MYT1L: variants seen among roughly 807,000 people sequenced by gnomAD.
MYT1L encodes myelin transcription factor 1 like.
A neutral mutation model predicts 126.7 loss-of-function variants in MYT1L; 12 were observed. The observed-to-expected ratio is 0.09, with a 90% CI of 0.06 to 0.15. The LOEUF is 0.15. MYT1L is among the 10% of genes least tolerant of loss of function. The pLI is 1.00. For missense variants in MYT1L, 979 were observed against 1,585.2 expected (o/e 0.62, Z 6.49); for synonymous variants, 541 against 604.2 (o/e 0.90, Z 1.53).
intron 1 of MYT1L, among the ~76,000 whole-genome samples, chr2:2,314,124 C>T (rs2096022161): frequency 6.6e-6 from 1 of 152,062 alleles, no homozygotes; most frequent in Admixed American, 6.6e-5. Context: ...CAATAAGAAA[C>T]AAAACTCCAC....
intron 11 of MYT1L, among the ~76,000 whole-genome samples, chr2:1,913,804 A>C (rs11682220): frequency 0.047 from 7,114 of 152,172 alleles, 237 homozygotes; most frequent in Non-Finnish European, 0.06. Flanking sequence ...CTCGCCCCTG[A>C]ATCCTCCTGA....
rs530190772 is a variant in MYT1L, at chr2:1,892,957, G to A, written c.2033-670C>T. On this transcript the variant is annotated intron_variant, in intron 14 of 24. Coordinates refer to ENST00000647738, the MANE Select transcript of MYT1L (RefSeq NM_001303052.2). ...GGCCATGGGAGTGAAACGGGGAAAT[G>A]CACATAGAGAATAAGCTCAGGATAA... Among the ~76,000 whole-genome samples, 18 of 152,280 alleles carry A rather than the reference G, an allele frequency of 1.2e-4. 1 individual carries two copies. The South Asian group carries it at 3.1e-3, about 26-fold the overall frequency.
At chr2:2,200,881 C>T (rs544656188) in intron 2 of MYT1L, among the ~76,000 whole-genome samples, 3 of 152,260 alleles carry the variant, frequency 2.0e-5, no homozygotes, top group African/African-American at 7.2e-5. Context: ...CCTGGGAGTG[C>T]CATGGTGCTC....
intron 18 of MYT1L, among the ~76,000 whole-genome samples, chr2:1,880,042 C>T (rs2148783596): frequency 6.6e-6 from 1 of 152,290 alleles, no homozygotes; most frequent in South Asian, 2.1e-4. Context: ...ATCACAAAGC[C>T]AGCTTCAGTG....
At chr2:2,020,325 C>A (rs2064906494) in intron 4 of MYT1L, among the ~76,000 whole-genome samples, 1 of 152,202 alleles carries the variant, frequency 6.6e-6, no homozygotes, top group South Asian at 2.1e-4. Flanking sequence ...TTCTCATGCA[C>A]ACATACCTAT....
intron 11 of MYT1L, among the ~76,000 whole-genome samples, chr2:1,915,369 C>A (rs2052666343): frequency 6.6e-6 from 1 of 152,136 alleles, no homozygotes; most frequent in Admixed American, 6.5e-5. Flanking sequence ...CTCCTTGCCT[C>A]CGAGAGCGAT....
intron 2 of MYT1L, among the ~76,000 whole-genome samples, chr2:2,179,126 A>G (rs2148613445): frequency 6.6e-6 from 1 of 152,288 alleles, no homozygotes; most frequent in East Asian, 1.9e-4. Context: ...GCCCCCACAC[A>G]CATCCCTGGC....
chr2:2,111,409 G>GT (rs2147746600), intron 3 of MYT1L, among the ~76,000 whole-genome samples: 1 of 152,322 alleles, frequency 6.6e-6, no homozygotes, highest in Admixed American at 6.5e-5. Flanking sequence ...GAGGGAAGTG[G>GT]TAACGGCAGA....
chr2:2,099,424 A>G (rs2077799090), intron 3 of MYT1L, among the ~76,000 whole-genome samples: 1 of 152,144 alleles, frequency 6.6e-6, no homozygotes, highest in Non-Finnish European at 1.5e-5. Context: ...AGTTTCTGAA[A>G]GGCTCATGGC....
At chr2:1,831,929 C>G (rs2148291746) in intron 21 of MYT1L, among the ~76,000 whole-genome samples, 1 of 152,262 alleles carries the variant, frequency 6.6e-6, no homozygotes, top group East Asian at 1.9e-4. Context: ...TCCTACGCGG[C>G]TCTCCTCAGA....
intron 3 of MYT1L, among the ~76,000 whole-genome samples, chr2:2,057,227 TA>T (rs2069702957): frequency 6.6e-6 from 1 of 152,164 alleles, no homozygotes; most frequent in African/African-American, 2.4e-5. Flanking sequence ...TGTGTCCTTT[TA>T]TAGCCCCGCC....
intron 1 of MYT1L, among the ~76,000 whole-genome samples, chr2:2,303,270 C>T (rs755956998): frequency 1.2e-4 from 18 of 152,198 alleles, no homozygotes; most frequent in Non-Finnish European, 2.4e-4. Context: ...CGTGGTTCCA[C>T]GGCATGCTCG....
intron 3 of MYT1L, among the ~76,000 whole-genome samples, chr2:2,116,564 C>T (rs910426955): frequency 1.3e-5 from 2 of 152,248 alleles, no homozygotes; most frequent in African/African-American, 2.4e-5. Context: ...GTGATATGCA[C>T]GGCCTTCTGC....
chr2:2,088,807 G>C (rs962664962), intron 3 of MYT1L, among the ~76,000 whole-genome samples: 1 of 152,164 alleles, frequency 6.6e-6, no homozygotes, highest in African/African-American at 2.4e-5. Context: ...CCAGTTTTAT[G>C]AGGTTTGTAT....
intron 3 of MYT1L, among the ~76,000 whole-genome samples, chr2:2,134,009 C>A: frequency 6.6e-6 from 1 of 152,204 alleles, no homozygotes; most frequent in East Asian, 1.9e-4. Flanking sequence ...GCCATTTTCA[C>A]CTCTTCTAGT....
At chr2:1,800,244 G>C (rs111490721) in intron 23 of MYT1L, 6,725 of 152,374 alleles carry the variant, frequency 0.044, 202 homozygotes, top group South Asian at 0.1. Context: ...GGCCTCGGCT[G>C]GTCCCGGGGG....
chr2:2,181,096 CTGTG>C (rs1203248985), intron 2 of MYT1L, among the ~76,000 whole-genome samples: 8 of 150,764 alleles, frequency 5.3e-5, no homozygotes, highest in Non-Finnish European at 7.4e-5. Context: ...ACCTGTGTAC[CTGTG>C]TGTGAACATG....
intron 2 of MYT1L, among the ~76,000 whole-genome samples, chr2:2,265,029 A>T (rs1452208865): frequency 2.1e-5 from 3 of 144,450 alleles, no homozygotes; most frequent in Admixed American, 6.9e-5. Flanking sequence ...GTCTTTTTTA[A>T]TTTTTTTTTT....
chr2:2,314,497 C>T (rs2082147671), intron 1 of MYT1L, among the ~76,000 whole-genome samples: 1 of 152,286 alleles, frequency 6.6e-6, no homozygotes, highest in Non-Finnish European at 1.5e-5. Flanking sequence ...TTCACCAGTT[C>T]TAGTGGCCAC....
Sources: gnomAD v4.1 joint callset for allele counts (sites outside exome capture counted in the v4.1 genomes callset) on GRCh38, gnomAD v4.1.1 for gene constraint, MANE v1.5 for transcripts, NCBI Gene and HGNC (gene_info 2026-07-23, HGNC 2026-07-21) for gene names.